The following TASP1 variants were observed in gnomAD, a reference collection of about 807,000 sequenced individuals.
TASP1 encodes threonine aspartase 1.
A neutral mutation model predicts 56.6 loss-of-function variants in TASP1; 16 were observed. The ratio of observed to expected loss-of-function variants is 0.28; its 90% CI spans 0.19 to 0.43. The LOEUF (loss-of-function observed/expected upper bound fraction) is 0.43, where lower values mean the gene tolerates loss of function less well. Among genes scored for constraint, TASP1 ranks in the 20% least tolerant of loss-of-function variants. The pLI is 1.00. For missense variants in TASP1, 393 were observed against 511.6 expected (o/e 0.77, Z 2.24); for synonymous variants, 179 against 184.2 (o/e 0.97, Z 0.23).
chr20:13,577,330 G>A (rs1214863838), intron 6 of TASP1, among the ~76,000 whole-genome samples: 1 of 152,104 alleles, frequency 6.6e-6, no homozygotes, highest in Non-Finnish European at 1.5e-5. Flanking sequence ...TATCCTAGAT[G>A]GCAGAAAACA....
At chr20:13,595,075 C>T (rs1006667149) in intron 4 of TASP1, among the ~76,000 whole-genome samples, 9 of 152,172 alleles carry the variant, frequency 5.9e-5, no homozygotes, top group Non-Finnish European at 1.0e-4. Context: ...CAATATTCAA[C>T]ATTCTTAAAG....
At chr20:13,499,458 C>A (rs539336954) in intron 10 of TASP1, among the ~76,000 whole-genome samples, 1 of 122,174 alleles carries the variant, frequency 8.2e-6, no homozygotes, top group East Asian at 2.5e-4. Flanking sequence ...AAGCTGAAAT[C>A]TCTTTAAAAA....
intron 10 of TASP1, among the ~76,000 whole-genome samples, chr20:13,522,126 A>G (rs1283303923): frequency 6.6e-6 from 1 of 152,162 alleles, no homozygotes; most frequent in African/African-American, 2.4e-5. Flanking sequence ...TGAGCAAGAG[A>G]AGAAAAGCAA....
At chr20:13,486,290 G>T (rs1194654094) in intron 10 of TASP1, among the ~76,000 whole-genome samples, 1 of 152,136 alleles carries the variant, frequency 6.6e-6, no homozygotes, top group African/African-American at 2.4e-5. Context: ...CCAAGTAAGA[G>T]TATGTGTATG....
chr20:13,441,111 A>G lies in TASP1; in HGVS notation c.986-5957T>C, dbSNP rs1174162755. Among the ~76,000 whole-genome samples the G allele has an allele frequency of 3.3e-5, 5 of 152,230 alleles. No homozygotes were observed. The East Asian group carries it at 9.7e-4, about 29-fold the overall frequency. ...CACTTCAAACCATGTCAAATCTGTT[A>G]GTTCTCCCTATTACCTCATTTTTGC... On this transcript the variant is annotated intron_variant, in intron 11 of 13. Transcript: ENST00000337743.
the TASP1 span, chr20:13,164,941 T>C: frequency 4.7e-6 from 6 of 1,274,358 alleles, no homozygotes; most frequent in South Asian, 4.2e-5. Flanking sequence ...GGAATATAAA[T>C]GGATTTCTCC....
chr20:13,475,139 C>G (rs1224423676), intron 11 of TASP1, among the ~76,000 whole-genome samples: 1 of 152,092 alleles, frequency 6.6e-6, no homozygotes. Context: ...AAACTACTAC[C>G]CTGAATTACT....
intron 11 of TASP1, among the ~76,000 whole-genome samples, chr20:13,448,895 A>C (rs1287125972): frequency 6.6e-6 from 1 of 152,026 alleles, no homozygotes; most frequent in African/African-American, 2.4e-5. Flanking sequence ...AACAAACAAA[A>C]AAAACCCTTA....
intron 8 of TASP1, among the ~76,000 whole-genome samples, chr20:13,551,367 G>A (rs2045976691): frequency 1.3e-5 from 2 of 152,190 alleles, no homozygotes; most frequent in South Asian, 4.1e-4. Flanking sequence ...TAAAAGTCAT[G>A]GGAGGAGGCA....
chr20:13,113,020 T>C, the TASP1 span, among the ~76,000 whole-genome samples: 1 of 151,986 alleles, frequency 6.6e-6, no homozygotes, highest in South Asian at 2.1e-4. Context: ...CCACCTCTAC[T>C]AAAAAGACAA....
At chr20:13,309,968 G>A in the TASP1 span, among the ~76,000 whole-genome samples, 12 of 152,196 alleles carry the variant, frequency 7.9e-5, no homozygotes, top group African/African-American at 2.9e-4. Context: ...AAAATACTCT[G>A]TGTTTACGGA....
the TASP1 span, among the ~76,000 whole-genome samples, chr20:13,311,220 AGATAGATAGATAGATAGATAGAT>A: frequency 1.5e-4 from 16 of 108,456 alleles, no homozygotes; most frequent in Admixed American, 7.5e-4. Context: ...GATAGATGAT[AGATAGATAGATAGATAGATAGAT>A]GATAGATAGA....
At chr20:13,468,087 C>G (rs2044334325) in intron 11 of TASP1, among the ~76,000 whole-genome samples, 1 of 152,022 alleles carries the variant, frequency 6.6e-6, no homozygotes, top group Non-Finnish European at 1.5e-5. Flanking sequence ...ACATTTACAG[C>G]AAACACACTG....
intron 10 of TASP1, among the ~76,000 whole-genome samples, chr20:13,506,035 T>A (rs1184695962): frequency 6.6e-6 from 1 of 151,700 alleles, no homozygotes; most frequent in Non-Finnish European, 1.5e-5. Flanking sequence ...GAAAAAAGAC[T>A]AAAATAAAAT....
chr20:13,297,183 G>A, the TASP1 span, among the ~76,000 whole-genome samples: 4 of 152,198 alleles, frequency 2.6e-5, no homozygotes, highest in South Asian at 4.1e-4. Flanking sequence ...GGGAAAGGGC[G>A]TTCTTTGCAA....
At chr20:13,633,251 G>C (rs1353728815) in intron 1 of TASP1, among the ~76,000 whole-genome samples, 1 of 152,106 alleles carries the variant, frequency 6.6e-6, no homozygotes, top group Non-Finnish European at 1.5e-5. Flanking sequence ...GTATGGTACA[G>C]AAGTATTTGC....
intron 4 of TASP1, among the ~76,000 whole-genome samples, chr20:13,590,989 G>T (rs987653985): frequency 6.6e-6 from 1 of 150,636 alleles, no homozygotes; most frequent in Non-Finnish European, 1.5e-5. Context: ...AGCAATAAAC[G>T]TAATAATACA....
At chr20:13,508,622 C>T (rs965430095) in intron 10 of TASP1, among the ~76,000 whole-genome samples, 4 of 152,084 alleles carry the variant, frequency 2.6e-5, no homozygotes, top group Admixed American at 6.6e-5. Context: ...ATATAAGGAC[C>T]TCACTAGCAA....
chr20:13,616,957 A>G (rs927412563), intron 4 of TASP1: 2 of 416,202 alleles, frequency 4.8e-6, no homozygotes, highest in African/African-American at 4.2e-5. Context: ...CTAGCAGCAG[A>G]ACAAGCAAAC....
Sources: allele counts gnomAD v4.1 joint callset (sites outside exome capture counted in the v4.1 genomes callset), GRCh38; gene constraint gnomAD v4.1.1; transcripts MANE v1.5; gene names NCBI Gene and HGNC (gene_info 2026-07-23, HGNC 2026-07-21).